PHOX2A: variants seen among roughly 807,000 people sequenced by gnomAD.
The protein encoded by PHOX2A is paired like homeobox 2A.
A neutral mutation model predicts 16.4 loss-of-function variants in PHOX2A; 10 were observed. That is an observed-to-expected ratio of 0.61 (90% CI 0.38 to 1.04). The LOEUF is 1.04. Ranked by LOEUF, PHOX2A falls within the 50% of genes least tolerant of loss-of-function variation. PHOX2A has a pLI of 0.01. For missense variants in PHOX2A, 361 were observed against 419.4 expected, an observed-to-expected ratio of 0.86 and a Z score of 1.22; for synonymous variants, 219 against 203.8, an observed-to-expected ratio of 1.07 and a Z score of -0.64.
chr11:72,239,955 C>G lies in PHOX2A; in HGVS notation c.649G>C (p.Gly217Arg). 1 of 1,304,720 alleles carries G rather than the reference C, an allele frequency of 7.7e-7. No homozygotes were observed. Among genetic ancestry groups the G allele is most frequent in the African/African-American group, 1.5e-5 (1 of 64,530 alleles). The allele number at this position is 1,304,720 out of a possible 1,614,324, so 80.8% of individuals were successfully genotyped here. The change falls in exon 3 of 3, where the codon GGG (glycine) becomes CGG (arginine). Residue 217 changes from glycine (G) to arginine (R), a missense_variant. Physicochemically the swap from Gly to Arg is moderately radical, Grantham distance 125. Around this residue, in one of 3 missense-constraint regions of PHOX2A, gnomAD observed 55 missense variants for 101.6 expected, o/e 0.54. Coordinates refer to ENST00000298231, the MANE Select transcript of PHOX2A (RefSeq NM_005169.4). ...TGTGGCCCCGGCCCAGGTCCCGGCCCGGAGCCCAGTGCGACGGGCAGCGGG... is the reference window on the plus strand; with the variant it reads ...TGTGGCCCCGGCCCAGGTCCCGGCCGGGAGCCCAGTGCGACGGGCAGCGGG... ...PSPLPVALGS[G>R]PGPGPGPQPL... is the part of the protein sequence containing the mutation.
Position 72,240,074 on chromosome 11 carries a change from G to C in PHOX2A, c.530C>G (p.Ser177Cys), listed in dbSNP as rs1949102333. The change falls in exon 3 of 3, where the codon TCC (serine) becomes TGC (cysteine). Residue 177 changes from serine to cysteine, a missense_variant. Physicochemically the swap from Ser to Cys is moderately radical, Grantham distance 112. Around this residue, in one of 3 missense-constraint regions of PHOX2A, gnomAD observed 235 missense variants for 263.8 expected, o/e 0.89. Coordinates refer to ENST00000298231, the MANE Select transcript of PHOX2A (RefSeq NM_005169.4). ...EARCSSEDDDSKESTCSPTPD... is the reference protein window; with the variant it reads ...EARCSSEDDDCKESTCSPTPD... ...CGTGGGGCTGCACGTGGACTCCTTG[G>C]AATCGTCGTCCTCGGAGGAGCAGCG... 6.5e-7 allele frequency: 1 copy of C among 1,530,570 alleles called. No individual in the cohort carries two copies. The highest frequency in any genetic ancestry group is 8.7e-7 in the Non-Finnish European group (1 of 1,143,538). 94.8% of individuals were successfully genotyped at this position (1,530,570 alleles called of 1,614,324 possible). A position where few individuals can be genotyped will look rare whatever the true frequency, so the allele number is the denominator to read the frequency against.
rs755604803 is a variant in PHOX2A, at chr11:72,241,318, G to GA, written c.218-30_218-29insT. The GA allele has an allele frequency of 5.0e-6, 6 of 1,208,314 alleles. No homozygotes were observed. In the East Asian group the frequency reaches 1.5e-4, roughly 30 times the overall value. The allele number at this position is 1,208,314 out of a possible 1,614,324, so 74.8% of individuals were successfully genotyped here. A position where few individuals can be genotyped will look rare whatever the true frequency, so the allele number is the denominator to read the frequency against. On this transcript the variant is annotated intron_variant, in intron 1 of 2. Transcript: ENST00000298231. ...CGGGTGTGTGCAGGGGGGCCGGGGG[G>GA]GGGGCAAAAAGGATGGGGGAGTGAG...
rs1949092758 is a variant in PHOX2A at position 72,239,487 on chromosome 11, G to C, written c.*262C>G. The C allele has an allele frequency of 2.8e-6, 1 of 360,366 alleles. No individual in the cohort carries two copies. Among genetic ancestry groups the C allele is most frequent in the Admixed American group, 4.7e-5 (1 of 21,426 alleles). 22.3% of individuals were successfully genotyped at this position (360,366 alleles called of 1,614,324 possible). On this transcript the variant is annotated 3_prime_UTR_variant, in exon 3 of 3. Coordinates refer to ENST00000298231, the MANE Select transcript of PHOX2A (RefSeq NM_005169.4). ...TCATGTGATACCGCATCCAAAGAAG[G>C]CCAAGCTAGAAGGAGCTCCGGGGTT...
chr11:72,240,987 C>A, intron 2 of PHOX2A, 115 bp downstream of exon 2: 2 of 1,166,122 alleles, frequency 1.7e-6, no homozygotes, highest in Non-Finnish European at 2.5e-6. Flanking sequence ...ACCCTGGGAC[C>A]GCGCCCTGCC....
chr11:72,239,884 G>GCCCCCACCGCCCGCCA lies in PHOX2A; in HGVS notation c.704_719dup (p.Pro243ArgfsTer15). 1.5e-6 allele frequency: 2 copies of GCCCCCACCGCCCGCCA among 1,353,284 alleles called. No homozygotes were observed. The highest frequency in any genetic ancestry group is 3.8e-5 in the South Asian group (2 of 52,144). The allele number at this position is 1,353,284 out of a possible 1,614,324, so 83.8% of individuals were successfully genotyped here. A position where few individuals can be genotyped will look rare whatever the true frequency, so the allele number is the denominator to read the frequency against. ...CGGCCGCTCCCGCGCCAGGCCCGCC[G>GCCCCCACCGCCCGCCA]CCCCCACCGCCCGCCACACCGGCCC... On this transcript the variant is annotated frameshift_variant, in exon 3 of 3. Coordinates refer to ENST00000298231, the MANE Select transcript of PHOX2A (RefSeq NM_005169.4). LOFTEE classifies it high-confidence loss of function.
At position 72,240,052 on chromosome 11, in the gene PHOX2A, G is replaced by T; in HGVS notation, c.552C>A (p.Pro184=). The change falls in exon 3 of 3, where the codon CCC becomes CCA. Residue 184 remains proline (P), a synonymous_variant. Coordinates refer to ENST00000298231, the MANE Select transcript of PHOX2A (RefSeq NM_005169.4). ...DDDSKESTCS[P]TPDSTASLPP... is the part of the protein sequence containing the mutation. The stretch of plus-strand genomic sequence containing the variant: ...GCAGCGAGGCGGTGCTATCGGGCGT[G>T]GGGCTGCACGTGGACTCCTTGGAAT... 6.6e-7 allele frequency: 1 copy of T among 1,513,256 alleles called. No homozygotes were observed. 93.7% of individuals were successfully genotyped at this position (1,513,256 alleles called of 1,614,324 possible). A position where few individuals can be genotyped will look rare whatever the true frequency, so the allele number is the denominator to read the frequency against.
rs1949143686 is a variant in PHOX2A, at chr11:72,244,049, G to A, written c.-45C>T. ...GGGGGCCGGGCCAGGCCGGGTCGGG[G>A]TCGGGGTCCGGGTGGAGGTCGGAAG... On this transcript the variant is annotated 5_prime_UTR_variant, in exon 1 of 3. Coordinates refer to ENST00000298231, the MANE Select transcript of PHOX2A (RefSeq NM_005169.4). The A allele has an allele frequency of 1.0e-6, 1 of 1,000,730 alleles. No homozygotes were observed. The highest frequency in any genetic ancestry group is 1.3e-6 in the Non-Finnish European group (1 of 769,046). The allele number at this position is 1,000,730 out of a possible 1,614,324, so 62.0% of individuals were successfully genotyped here. A position where few individuals can be genotyped will look rare whatever the true frequency, so the allele number is the denominator to read the frequency against.
rs1226641955 is a variant in PHOX2A, at chr11:72,243,838, T to C, written c.167A>G (p.Asn56Ser). Residue 56 changes from asparagine (N) to serine (S), a missense_variant, in exon 1 of 3, where the codon AAC becomes AGC. Around this residue, in one of 3 missense-constraint regions of PHOX2A, gnomAD observed 235 missense variants for 263.8 expected, o/e 0.89. Coordinates refer to ENST00000298231, the MANE Select transcript of PHOX2A (RefSeq NM_005169.4). ...GTCGCGTAGGGCGCCAAGTGCGCAG[T>C]TGGAGGAGCCGAGCGCGGGGCAGGG... is the stretch of plus-strand genomic sequence containing the variant. ...GPPCPALGSS[N>S]CALGALRDHQ... 41 of 1,253,600 alleles carry C rather than the reference T, an allele frequency of 3.3e-5. No homozygotes were observed. Among genetic ancestry groups the C allele is most frequent in the Non-Finnish European group, 3.6e-5 (36 of 996,308 alleles). 77.7% of individuals were successfully genotyped at this position (1,253,600 alleles called of 1,614,324 possible). A position where few individuals can be genotyped will look rare whatever the true frequency, so the allele number is the denominator to read the frequency against.
chr11:72,243,734 G>A (rs1399491487), intron 1 of PHOX2A, 54 bp downstream of exon 1: 8 of 1,080,156 alleles, frequency 7.4e-6, no homozygotes, highest in Non-Finnish European at 9.5e-6. Context: ...TTGGCGAGCG[G>A]GCCCAGGGAT....
At chr11:72,242,337 T>A (rs1048509455) in intron 1 of PHOX2A, among the ~76,000 whole-genome samples, 1 of 152,154 alleles carries the variant, frequency 6.6e-6, no homozygotes, top group African/African-American at 2.4e-5. Flanking sequence ...TTTGTATTCT[T>A]ATCTTCGTCA....
Position 72,239,572 on chromosome 11 carries a change from C to T in PHOX2A, c.*177G>A. 1 of 431,176 alleles carries T rather than the reference C, an allele frequency of 2.3e-6. No individual in the cohort carries two copies. 26.7% of individuals were successfully genotyped at this position (431,176 alleles called of 1,614,324 possible). A position where few individuals can be genotyped will look rare whatever the true frequency, so the allele number is the denominator to read the frequency against. The stretch of plus-strand genomic sequence containing the variant: ...TCTGCTGGTAGAGGGTGGGTGAGGA[C>T]GAGAGTGGCCCTGACTTGGTCTCCA... On this transcript the variant is annotated 3_prime_UTR_variant, in exon 3 of 3. Coordinates refer to ENST00000298231, the MANE Select transcript of PHOX2A (RefSeq NM_005169.4).
At chr11:72,240,278 A>C in intron 2 of PHOX2A, 80 bp from the exon 3 acceptor site, 1 of 1,503,732 alleles carries the variant, frequency 6.7e-7, no homozygotes, top group Non-Finnish European at 8.8e-7. Context: ...GGCTCGAGTG[A>C]GATCCTGGTT....
At chr11:72,241,066 A>T in intron 2 of PHOX2A, 36 bp downstream of exon 2, 1 of 1,606,082 alleles carries the variant, frequency 6.2e-7, no homozygotes, top group Non-Finnish European at 8.5e-7. Context: ...ACCTCCTTCC[A>T]TGCGCACTCT....
Position 72,239,725 on chromosome 11 carries a change from C to A in PHOX2A, c.*24G>T. 7.7e-7 allele frequency: 1 copy of A among 1,304,408 alleles called. No homozygotes were observed. The highest frequency in any genetic ancestry group is 2.8e-5 in the East Asian group (1 of 35,216). The allele number at this position is 1,304,408 out of a possible 1,614,324, so 80.8% of individuals were successfully genotyped here. On this transcript the variant is annotated 3_prime_UTR_variant, in exon 3 of 3. Transcript: ENST00000298231. ...GGGCAGGGACGTCTCTGGGGGCAGG[C>A]TCGGAGCCTCCAGAGGCCGGCAGCT...
chr11:72,243,485 A>C (rs567193540), intron 1 of PHOX2A, among the ~76,000 whole-genome samples: 9 of 152,246 alleles, frequency 5.9e-5, no homozygotes, highest in African/African-American at 1.9e-4. Flanking sequence ...TTTAGTGGTC[A>C]GTCTTTGCAG....
At position 72,239,155 on chromosome 11, in the gene PHOX2A, CAAA is replaced by C. The variant is rs561489109; in HGVS notation, c.*591_*593del. 1.3e-5 allele frequency: 2 copies of C among 152,098 alleles called. No homozygotes were observed. The highest frequency in any genetic ancestry group is 4.8e-5 in the African/African-American group (2 of 41,362). 9.4% of individuals were successfully genotyped at this position (152,098 alleles called of 1,614,324 possible). A position where few individuals can be genotyped will look rare whatever the true frequency, so the allele number is the denominator to read the frequency against. ...AAGTTTTTCAAAGAAAAAGGACAAC[CAAA>C]AAAATTAGGGAAAGAGAATCCCTCT... is the stretch of plus-strand genomic sequence containing the variant. On this transcript the variant is annotated 3_prime_UTR_variant, in exon 3 of 3. Coordinates refer to ENST00000298231, the MANE Select transcript of PHOX2A (RefSeq NM_005169.4).
chr11:72,243,803 C>G lies in PHOX2A; in HGVS notation c.202G>C (p.Ala68Pro), dbSNP rs764865688. 1.2e-4 allele frequency: 147 copies of G among 1,249,040 alleles called. No homozygotes were observed. Among genetic ancestry groups the G allele is most frequent in the Middle Eastern group, 3.1e-4 (1 of 3,276 alleles). The allele number at this position is 1,249,040 out of a possible 1,614,324, so 77.4% of individuals were successfully genotyped here. A position where few individuals can be genotyped will look rare whatever the true frequency, so the allele number is the denominator to read the frequency against. Residue 68 changes from alanine (A) to proline (P), a missense_variant, in exon 1 of 3, where the codon GCG becomes CCG. Physicochemically the swap from Ala to Pro is conservative, Grantham distance 27. This residue lies in a region of PHOX2A where 235 missense variants were observed against 263.8 expected (regional missense o/e 0.89). Transcript: ENST00000298231. ...CTGCGCTCACCTGCCGAGTAGGGCGCGGGCTGGTGGTCGCGTAGGGCGCCA... is the reference window on the plus strand; with the variant it reads ...CTGCGCTCACCTGCCGAGTAGGGCGGGGGCTGGTGGTCGCGTAGGGCGCCA... ...ALGALRDHQP[A>P]PYSAVPYKFF...
intron 1 of PHOX2A, 80 bp downstream of exon 1, chr11:72,243,708 G>A (rs1949139757): frequency 1.2e-6 from 1 of 810,212 alleles, no homozygotes; most frequent in Non-Finnish European, 1.7e-6. Flanking sequence ...CGGCTGAGGG[G>A]GACAGTCGCA....
intron 1 of PHOX2A, among the ~76,000 whole-genome samples, chr11:72,242,665 T>C (rs1047250081): frequency 4.6e-4 from 66 of 144,904 alleles, no homozygotes; most frequent in Admixed American, 8.9e-4. Context: ...CTTCTTCTTC[T>C]TTTTTTTTTG....
Sources: gnomAD v4.1 joint callset for allele counts (sites outside exome capture counted in the v4.1 genomes callset) on GRCh38, gnomAD v4.1.1 for gene constraint, gnomAD v4.1.1 regional missense constraint, MANE v1.5 for transcripts, NCBI Gene and HGNC (gene_info 2026-07-23, HGNC 2026-07-21) for gene names.